ESYT3: variants seen among roughly 807,000 people sequenced by gnomAD.
ESYT3 encodes extended synaptotagmin 3.
A neutral mutation model predicts 111.5 loss-of-function variants in ESYT3; 101 were observed. That is an observed-to-expected ratio of 0.91 (90% CI 0.77 to 1.07). The LOEUF (loss-of-function observed/expected upper bound fraction) is 1.07. ESYT3 is among the 50% of genes least tolerant of loss of function. The pLI is 0.00. For synonymous variants in ESYT3, 416 were observed against 446.8 expected, an observed-to-expected ratio of 0.93 and a Z score of 0.87; for missense variants, 1,097 against 1,109.4, an observed-to-expected ratio of 0.99 and a Z score of 0.16.
intron 1 of ESYT3, among the ~76,000 whole-genome samples, chr3:138,442,250 C>CT (rs1254495760): frequency 6.6e-6 from 1 of 151,984 alleles, no homozygotes; most frequent in African/African-American, 2.4e-5. Context: ...GGTGTGCTTC[C>CT]TTTATATAGA....
At chr3:138,473,889 A>G (rs1172132268) in intron 19 of ESYT3, among the ~76,000 whole-genome samples, 4 of 152,220 alleles carry the variant, frequency 2.6e-5, no homozygotes, top group African/African-American at 9.6e-5. Flanking sequence ...GACTGTCTGG[A>G]GTGGCTGGTA....
intron 22 of ESYT3, 110 bp downstream of exon 22, chr3:138,476,602 C>A: frequency 1.7e-6 from 2 of 1,159,950 alleles, no homozygotes; most frequent in East Asian, 2.3e-5. Flanking sequence ...GAGATGAACA[C>A]CTTTATTTAA....
chr3:138,436,057 G>A (rs1265849972), intron 1 of ESYT3, among the ~76,000 whole-genome samples: 1 of 152,186 alleles, frequency 6.6e-6, no homozygotes, highest in African/African-American at 2.4e-5. Context: ...ATAAAGTCCA[G>A]CAGGGCCATA....
At chr3:138,443,862 C>G (rs2108595104) in intron 1 of ESYT3, among the ~76,000 whole-genome samples, 1 of 152,200 alleles carries the variant, frequency 6.6e-6, no homozygotes, top group African/African-American at 2.4e-5. Context: ...CCCTCCGCCT[C>G]CCAAGAGGGT....
intron 2 of ESYT3, among the ~76,000 whole-genome samples, chr3:138,453,393 C>T (rs556124216): frequency 3.9e-5 from 6 of 152,126 alleles, no homozygotes; most frequent in Non-Finnish European, 8.8e-5. Flanking sequence ...TGTGTCCTAA[C>T]AAGCTTTAAA....
intron 1 of ESYT3, among the ~76,000 whole-genome samples, chr3:138,449,150 C>T (rs1255577856): frequency 7.0e-6 from 1 of 142,344 alleles, no homozygotes; most frequent in Non-Finnish European, 1.5e-5. Context: ...AGTGGTGTGA[C>T]CTCGACTCAC....
At chr3:138,446,465 T>C (rs1306689446) in intron 1 of ESYT3, among the ~76,000 whole-genome samples, 1 of 152,010 alleles carries the variant, frequency 6.6e-6, no homozygotes, top group Non-Finnish European at 1.5e-5. Context: ...CTCAAAACGG[T>C]TGAAAATAGG....
rs1248385325 is a variant in ESYT3, at chr3:138,435,025, G to A, written c.227G>A (p.Arg76His). The A allele has an allele frequency of 1.3e-6, 2 of 1,580,770 alleles. No individual in the cohort carries two copies. The highest frequency in any genetic ancestry group is 1.7e-6 in the Non-Finnish European group (2 of 1,164,350). The change falls in exon 1 of 23, where the codon CGC (arginine) becomes CAC (histidine). Residue 76 changes from arginine (R) to histidine (H), a missense_variant. By Grantham distance (29) the Arg-to-His change is conservative. Transcript: ENST00000389567. This position sits in a 1 kb window ranked among gnomAD's most constrained non-coding sequence, Gnocchi z 4.8. ...CTGTGGATGTGGTGGCGCAGGAACCGCCGCGGGAAGCTTGGGCGCCTGGCC... is the reference window on the plus strand; with the variant it reads ...CTGTGGATGTGGTGGCGCAGGAACCACCGCGGGAAGCTTGGGCGCCTGGCC... ...ALLWMWWRRN[R>H]RGKLGRLAAA... is the part of the protein sequence containing the mutation.
At chr3:138,442,195 G>A (rs2031204377) in intron 1 of ESYT3, among the ~76,000 whole-genome samples, 1 of 151,840 alleles carries the variant, frequency 6.6e-6, no homozygotes, top group African/African-American at 2.4e-5. Context: ...TTAAAATTAG[G>A]ATAAGCATTT....
rs750617824 is a variant in ESYT3, at chr3:138,470,070, A to G, written c.1514A>G (p.His505Arg). The change falls in exon 16 of 23, where the codon CAC becomes CGC. Residue 505 changes from histidine (H) to arginine (R), a missense_variant. Transcript: ENST00000389567. ...KKTHTSKTCP[H>R]NKDPVWSQVF... ...CTCTTCTGTTCCCAGACCTGTCCCC[A>G]CAACAAGGACCCTGTGTGGAGCCAG... is the stretch of plus-strand genomic sequence containing the variant. The G allele has an allele frequency of 1.1e-5, 17 of 1,612,654 alleles. No homozygotes were observed. Among genetic ancestry groups the G allele is most frequent in the Non-Finnish European group, 1.4e-5 (17 of 1,179,044 alleles).
intron 7 of ESYT3, among the ~76,000 whole-genome samples, chr3:138,461,391 C>T (rs1035056764): frequency 1.8e-4 from 27 of 152,156 alleles, no homozygotes; most frequent in African/African-American, 6.0e-4. Context: ...CCCCAGGCCC[C>T]ATGAGAGGAG....
intron 5 of ESYT3, 42 bp from the exon 6 acceptor site, chr3:138,459,903 A>G: frequency 6.4e-7 from 1 of 1,573,352 alleles, no homozygotes. Flanking sequence ...CATGGGGAGA[A>G]AGTAGGCCTG....
At chr3:138,451,683 C>T (rs1340604993) in intron 1 of ESYT3, among the ~76,000 whole-genome samples, 4 of 152,196 alleles carry the variant, frequency 2.6e-5, no homozygotes, top group Non-Finnish European at 5.9e-5. Context: ...CCGCGTGGGA[C>T]TGGGGTGGAG....
chr3:138,470,793 C>T (rs1310127595), intron 16 of ESYT3, 84 bp from the exon 17 acceptor site: 3 of 1,595,082 alleles, frequency 1.9e-6, no homozygotes, highest in Non-Finnish European at 2.6e-6. Flanking sequence ...TGAAGTAAAC[C>T]CAAACTTGGC....
intron 3 of ESYT3, 70 bp downstream of exon 3, chr3:138,455,398 C>T: frequency 6.4e-7 from 1 of 1,561,888 alleles, no homozygotes; most frequent in Non-Finnish European, 8.7e-7. Flanking sequence ...CTCCTCCCAC[C>T]TTTCTCCCAC....
chr3:138,468,459 G>C (rs143516635), intron 12 of ESYT3, among the ~76,000 whole-genome samples, 196 bp from the exon 13 acceptor site: 375 of 152,256 alleles, frequency 2.5e-3, no homozygotes, highest in Non-Finnish European at 3.9e-3. Context: ...AATCCACTCA[G>C]TGTCTAACTT....
intron 1 of ESYT3, among the ~76,000 whole-genome samples, chr3:138,449,256 T>C (rs2031773486): frequency 6.6e-6 from 1 of 151,970 alleles, no homozygotes; most frequent in Non-Finnish European, 1.5e-5. Flanking sequence ...ACCTAATTTT[T>C]ATATTTTTTA....
Position 138,435,177 on chromosome 3 carries a change from G to A in ESYT3, c.327+52G>A. 6.8e-7 allele frequency: 1 copy of A among 1,469,744 alleles called. No homozygotes were observed. Among genetic ancestry groups the A allele is most frequent in the Non-Finnish European group, 9.1e-7 (1 of 1,100,978 alleles). 91.0% of individuals were successfully genotyped at this position (1,469,744 alleles called of 1,614,324 possible). A position where few individuals can be genotyped will look rare whatever the true frequency, so the allele number is the denominator to read the frequency against. Reference sequence around the variant, plus strand: ...GGTGGGGAGATGCCTTTCGAGGTTCGGAGGAACTTGCGGTCAGCGGGGAGC... The same window carrying A: ...GGTGGGGAGATGCCTTTCGAGGTTCAGAGGAACTTGCGGTCAGCGGGGAGC... On this transcript the variant is annotated intron_variant, in intron 1 of 22. Coordinates refer to ENST00000389567, the MANE Select transcript of ESYT3 (RefSeq NM_031913.5). The surrounding 1 kb of genome is among the most constrained non-coding windows in gnomAD (Gnocchi z 4.8).
At chr3:138,468,266 A>C in intron 12 of ESYT3, 72 bp downstream of exon 12, 2 of 1,436,160 alleles carry the variant, frequency 1.4e-6, no homozygotes, top group Non-Finnish European at 9.8e-7. Flanking sequence ...GTGCAGGTGG[A>C]GGAAGGGTGG....
Sources: allele counts gnomAD v4.1 joint callset (sites outside exome capture counted in the v4.1 genomes callset), GRCh38; gene constraint gnomAD v4.1.1; non-coding constraint Gnocchi (gnomAD v3.1); transcripts MANE v1.5; gene names NCBI Gene and HGNC (gene_info 2026-07-23, HGNC 2026-07-21).